The following SLC35F3 variants were observed in gnomAD, a reference collection of about 807,000 sequenced individuals.
The protein encoded by SLC35F3 is putative thiamine transporter SLC35F3.
SLC35F3 carries 25 observed loss-of-function variants against 49.9 expected under a neutral mutation model. That is an observed-to-expected ratio of 0.50 (90% CI 0.37 to 0.70). The LOEUF (loss-of-function observed/expected upper bound fraction) is 0.70, where lower values mean the gene tolerates loss of function less well. Among genes scored for constraint, SLC35F3 ranks in the 30% least tolerant of loss-of-function variants. The pLI is 0.00. For synonymous variants in SLC35F3, 275 were observed against 265.4 expected (o/e 1.04, Z -0.35); for missense variants, 525 against 639.8 (o/e 0.82, Z 1.94).
intron 2 of SLC35F3, among the ~76,000 whole-genome samples, chr1:234,072,738 C>G (rs1664735672): frequency 6.6e-6 from 1 of 152,090 alleles, no homozygotes; most frequent in East Asian, 1.9e-4. Context: ...CAGGAGGAAG[C>G]CAAAATGGCT....
chr1:233,905,494 GCCCAC>G (rs1214943416), intron 1 of SLC35F3, 30 bp from the exon 2 acceptor site: 1 of 1,505,506 alleles, frequency 6.6e-7, no homozygotes, highest in East Asian at 2.3e-5. Context: ...TGCTCCCCCT[GCCCAC>G]CCACCTGCCC....
intron 3 of SLC35F3, among the ~76,000 whole-genome samples, chr1:234,251,579 TA>T (rs1201120500): frequency 6.6e-6 from 1 of 151,094 alleles, no homozygotes; most frequent in Non-Finnish European, 1.5e-5. Flanking sequence ...ATCAACAACA[TA>T]AAAATGTCCA....
intron 2 of SLC35F3, among the ~76,000 whole-genome samples, chr1:233,923,240 G>A (rs1020295718): frequency 4.6e-5 from 7 of 152,186 alleles, no homozygotes; most frequent in African/African-American, 1.4e-4. Context: ...ACCTTGGGCA[G>A]TATGGCCATT....
intron 2 of SLC35F3, among the ~76,000 whole-genome samples, chr1:233,960,311 C>T (rs1662774080): frequency 6.6e-6 from 1 of 152,208 alleles, no homozygotes; most frequent in South Asian, 2.1e-4. Context: ...GGAGAAGACA[C>T]AGTGAGGAAG....
chr1:234,140,689 C>T (rs1331598191), intron 2 of SLC35F3, among the ~76,000 whole-genome samples: 9 of 152,116 alleles, frequency 5.9e-5, no homozygotes, highest in African/African-American at 1.9e-4. Flanking sequence ...AATAAAAATT[C>T]GGCAATGGAA....
chr1:234,285,095 A>G (rs972656841), intron 3 of SLC35F3: 8 of 267,420 alleles, frequency 3.0e-5, no homozygotes, highest in East Asian at 1.1e-4. Flanking sequence ...AGCTGCATCA[A>G]TGTAGAACTC....
At chr1:234,140,641 T>G (rs978027274) in intron 2 of SLC35F3, among the ~76,000 whole-genome samples, 13 of 151,706 alleles carry the variant, frequency 8.6e-5, no homozygotes, top group African/African-American at 3.2e-4. Flanking sequence ...CACACAAAAG[T>G]TCAGAAACGG....
At chr1:234,295,932 T>C (rs958507271) in intron 3 of SLC35F3, among the ~76,000 whole-genome samples, 1 of 152,250 alleles carries the variant, frequency 6.6e-6, no homozygotes, top group South Asian at 2.1e-4. Context: ...CACACTCTGC[T>C]GTGTCTTCTC....
At chr1:233,937,357 T>G (rs1012763717) in intron 2 of SLC35F3, among the ~76,000 whole-genome samples, 3 of 152,264 alleles carry the variant, frequency 2.0e-5, no homozygotes, top group Non-Finnish European at 4.4e-5. Context: ...GGATATCCAT[T>G]CTGTTAAAAT....
intron 3 of SLC35F3, among the ~76,000 whole-genome samples, chr1:234,297,763 G>T (rs1668627969): frequency 6.8e-6 from 1 of 146,200 alleles, no homozygotes; most frequent in Non-Finnish European, 1.5e-5. Flanking sequence ...AAAAAAAACA[G>T]TTAAACTCAT....
intron 2 of SLC35F3, among the ~76,000 whole-genome samples, chr1:233,937,698 C>T (rs906530437): frequency 6.6e-6 from 1 of 152,070 alleles, no homozygotes; most frequent in South Asian, 2.1e-4. Context: ...TGAAACAAAA[C>T]GGAGAAGGGA....
At chr1:234,164,646 C>A (rs890419270) in intron 2 of SLC35F3, among the ~76,000 whole-genome samples, 3 of 152,060 alleles carry the variant, frequency 2.0e-5, no homozygotes, top group Admixed American at 6.6e-5. Context: ...GCAGGGTCAC[C>A]TACCTCCTGC....
chr1:234,025,737 G>A (rs943608567), intron 2 of SLC35F3, among the ~76,000 whole-genome samples: 1 of 152,144 alleles, frequency 6.6e-6, no homozygotes, highest in Admixed American at 6.5e-5. Flanking sequence ...GGTGCCATTT[G>A]TAAATATTTT....
At chr1:234,276,982 T>TG (rs1300748187) in intron 3 of SLC35F3, among the ~76,000 whole-genome samples, 1 of 152,090 alleles carries the variant, frequency 6.6e-6, no homozygotes, top group Non-Finnish European at 1.5e-5. Flanking sequence ...AGGGGGAGTT[T>TG]GGGGGTGTTC....
intron 2 of SLC35F3, among the ~76,000 whole-genome samples, chr1:233,962,769 T>C (rs1327721882): frequency 6.6e-6 from 1 of 152,226 alleles, no homozygotes; most frequent in African/African-American, 2.4e-5. Context: ...AATCTAAACA[T>C]GACATTTTCA....
chr1:234,247,747 G>C (rs1010901614), intron 3 of SLC35F3, among the ~76,000 whole-genome samples: 2 of 151,764 alleles, frequency 1.3e-5, no homozygotes, highest in African/African-American at 2.4e-5. Flanking sequence ...CGGTTGGCTG[G>C]TCCATTGTTT....
intron 2 of SLC35F3, among the ~76,000 whole-genome samples, chr1:233,908,608 C>T (rs565178573): frequency 1.5e-5 from 2 of 130,590 alleles, no homozygotes; most frequent in African/African-American, 5.8e-5. Context: ...ATGGTGCAAT[C>T]TCGGCTCACT....
intron 2 of SLC35F3, among the ~76,000 whole-genome samples, chr1:233,988,605 C>T (rs1481225270): frequency 6.6e-6 from 1 of 152,188 alleles, no homozygotes; most frequent in East Asian, 1.9e-4. Context: ...TCTTTCCATC[C>T]TCCACACAGG....
At chr1:234,256,030 G>A (rs1667816728) in intron 3 of SLC35F3, among the ~76,000 whole-genome samples, 1 of 151,450 alleles carries the variant, frequency 6.6e-6, no homozygotes. Flanking sequence ...TTAATAATGG[G>A]GAGGAGGGAG....
Sources: gnomAD v4.1 joint callset for allele counts (sites outside exome capture counted in the v4.1 genomes callset) on GRCh38, gnomAD v4.1.1 for gene constraint, MANE v1.5 for transcripts, NCBI Gene and HGNC (gene_info 2026-07-23, HGNC 2026-07-21) for gene names.